Variants in GOLGA8S observed in about 807,000 individuals in gnomAD.
The protein encoded by GOLGA8S is golgin subfamily A member 8S.
GOLGA8S carries 23 observed loss-of-function variants against 58.9 expected under a neutral mutation model. The observed-to-expected ratio is 0.39, with a 90% CI of 0.28 to 0.55. The LOEUF (loss-of-function observed/expected upper bound fraction) is 0.55. Ranked by LOEUF, GOLGA8S falls within the 20% of genes least tolerant of loss-of-function variation. The pLI is 0.63. For missense variants in GOLGA8S, 266 were observed against 514.2 expected (o/e 0.52, Z 4.67); for synonymous variants, 84 against 195.7 (o/e 0.43, Z 4.76).
At chr15:23,364,359 A>G (rs745631639) in exon 16 of GOLGA8S, 4 of 1,602,680 alleles carry the variant, frequency 2.5e-6, no homozygotes, top group Non-Finnish European at 3.4e-6. Context: ...TTTATGGACC[A>G]CCTGGAGGAG....
chr15:23,356,343 A>T (rs1250201396), intron 1 of GOLGA8S, among the ~76,000 whole-genome samples: 12 of 138,936 alleles, frequency 8.6e-5, no homozygotes, highest in East Asian at 6.8e-4. Context: ...TTCTTGGTAA[A>T]ACCCCAGAGT....
chr15:23,364,494 G>T (rs766537082), intron 16 of GOLGA8S, 32 bp from the exon 17 acceptor site: 3 of 1,605,106 alleles, frequency 1.9e-6, no homozygotes, highest in Non-Finnish European at 2.5e-6. Context: ...CCGTCGGAGG[G>T]GCCCCAGCGT....
At chr15:23,358,338 C>G (rs1472491222) in intron 4 of GOLGA8S, 134 bp from the exon 5 acceptor site, 1 of 657,516 alleles carries the variant, frequency 1.5e-6, no homozygotes, top group Non-Finnish European at 2.7e-6. Flanking sequence ...GGAGAGTTTA[C>G]CAGTTCGAGT....
At chr15:23,357,919 G>C (rs1440330719) in intron 4 of GOLGA8S, among the ~76,000 whole-genome samples, 2 of 149,972 alleles carry the variant, frequency 1.3e-5, no homozygotes, top group African/African-American at 4.9e-5. Flanking sequence ...CTGTATTTCT[G>C]CCATGACTCA....
chr15:23,366,038 C>G (rs558525594), downstream of GOLGA8S: 1 of 149,984 alleles, frequency 6.7e-6, no homozygotes, highest in Non-Finnish European at 1.5e-5. Flanking sequence ...ATCTACAATA[C>G]ATTTTAAACT....
intron 10 of GOLGA8S, 79 bp from the exon 11 acceptor site, chr15:23,360,649 G>C: frequency 8.0e-7 from 1 of 1,252,098 alleles, no homozygotes; most frequent in Non-Finnish European, 1.2e-6. Flanking sequence ...TTGTGGAGGT[G>C]GGGGCAGAGA....
chr15:23,356,136 A>C (rs1268385665), intron 1 of GOLGA8S, among the ~76,000 whole-genome samples: 2 of 143,208 alleles, frequency 1.4e-5, no homozygotes, highest in Non-Finnish European at 3.1e-5. Context: ...CTTTCTGATA[A>C]ATTCCCAGAT....
chr15:23,361,145 T>C, intron 11 of GOLGA8S, 76 bp from the exon 12 acceptor site: 3 of 973,862 alleles, frequency 3.1e-6, no homozygotes, highest in Non-Finnish European at 2.9e-6. Flanking sequence ...TTTTCTTTTC[T>C]TTTCTTTTCT....
At chr15:23,358,307 C>T (rs1377917732) in intron 4 of GOLGA8S, among the ~76,000 whole-genome samples, 165 bp from the exon 5 acceptor site, 1 of 152,396 alleles carries the variant, frequency 6.6e-6, no homozygotes, top group East Asian at 1.9e-4. Flanking sequence ...AGACCCAAAT[C>T]CTCTGTCCTT....
chr15:23,364,476 C>A (rs752438250), intron 16 of GOLGA8S, 33 bp downstream of exon 16: 1 of 1,605,274 alleles, frequency 6.2e-7, no homozygotes, highest in Non-Finnish European at 8.5e-7. Context: ...GCAGGGGGAG[C>A]TACAGGGCCG....
intron 16 of GOLGA8S, 21 bp downstream of exon 16, chr15:23,364,464 C>G: frequency 4.4e-6 from 7 of 1,604,622 alleles, no homozygotes; most frequent in Non-Finnish European, 5.9e-6. Flanking sequence ...GGCCAGGGCA[C>G]AGCAGGGGGA....
At chr15:23,363,642 T>C (rs1393771044) in intron 14 of GOLGA8S, 36 bp from the exon 15 acceptor site, 1 of 370,040 alleles carries the variant, frequency 2.7e-6, no homozygotes, top group Admixed American at 5.5e-5. Flanking sequence ...TGTTGAGTTG[T>C]CTGAGGACCC....
rs781491808 is a variant in GOLGA8S, at chr15:23,361,378, G to A, written c.1032G>A (p.Arg344=). Reference sequence around the variant, plus strand: ...ATGAGGGGCAAAAGGAGAGGCTTCGGGAGCAGCAGGAGAGGCTTCCAGAGC... The same window carrying A: ...ATGAGGGGCAAAAGGAGAGGCTTCGAGAGCAGCAGGAGAGGCTTCCAGAGC... The change falls in exon 12 of 19, where the codon CGG becomes CGA. Residue 344 remains arginine, a synonymous_variant. Coordinates refer to ENST00000562295, the Ensembl canonical transcript of GOLGA8S. 28 of 1,089,112 alleles carry A rather than the reference G, an allele frequency of 2.6e-5. 1 individual carries two copies. The highest frequency in any genetic ancestry group is 1.4e-4 in the East Asian group (6 of 42,460). 67.5% of individuals were successfully genotyped at this position (1,089,112 alleles called of 1,614,324 possible).
intron 1 of GOLGA8S, among the ~76,000 whole-genome samples, chr15:23,355,502 C>G (rs1165682864): frequency 1.4e-4 from 16 of 112,000 alleles, no homozygotes; most frequent in African/African-American, 4.4e-4. Flanking sequence ...GTCATTACTG[C>G]GAGACTGGCC....
At chr15:23,364,345 C>G in exon 16 of GOLGA8S, 1 of 1,602,186 alleles carries the variant, frequency 6.2e-7, no homozygotes, top group Non-Finnish European at 8.5e-7. Flanking sequence ...GGCTCCAGAG[C>G]AGCTTTATGG....
chr15:23,367,175 C>T (rs1274861666), downstream of GOLGA8S: 35 of 148,900 alleles, frequency 2.4e-4, no homozygotes, highest in African/African-American at 7.6e-4. Context: ...GTCCTGTTCT[C>T]GCCTTTTATT....
downstream of GOLGA8S, among the ~76,000 whole-genome samples, chr15:23,368,176 G>A (rs1254320513): frequency 1.3e-5 from 2 of 151,918 alleles, no homozygotes; most frequent in African/African-American, 4.8e-5. Flanking sequence ...TATTTGCCAA[G>A]TTTTGTTAGA....
rs570629751 is a variant in GOLGA8S, at chr15:23,361,240, G to T, written c.894G>T (p.Glu298Asp). Residue 298 changes from glutamate to aspartate, a missense_variant, in exon 12 of 19, where the codon GAG becomes GAT. Physicochemically the swap from Glu to Asp is conservative, Grantham distance 45. This residue lies in a region of GOLGA8S where 114 missense variants were observed against 120.7 expected (regional missense o/e 0.94). Coordinates refer to ENST00000562295, the Ensembl canonical transcript of GOLGA8S. ...TCTCAGCTGAACCTCTGCCCCCGGA[G>T]CCCCCAGCAGTGCCCTCTGAGGCGG... is the stretch of plus-strand genomic sequence containing the variant. 3.1e-5 allele frequency: 47 copies of T among 1,492,788 alleles called. No homozygotes were observed. In the South Asian group the frequency reaches 5.0e-4, roughly 16 times the overall value. 92.5% of individuals were successfully genotyped at this position (1,492,788 alleles called of 1,614,324 possible). A position where few individuals can be genotyped will look rare whatever the true frequency, so the allele number is the denominator to read the frequency against.
At chr15:23,358,025 T>C (rs1020212649) in intron 4 of GOLGA8S, among the ~76,000 whole-genome samples, 2 of 150,704 alleles carry the variant, frequency 1.3e-5, no homozygotes, top group East Asian at 3.9e-4. Flanking sequence ...CTGTTAGCTC[T>C]CGAGTCTGAG....
Sources: gnomAD v4.1 joint callset for allele counts (sites outside exome capture counted in the v4.1 genomes callset) on GRCh38, gnomAD v4.1.1 for gene constraint, gnomAD v4.1.1 regional missense constraint, MANE v1.5 for transcripts, NCBI Gene and HGNC (gene_info 2026-07-23, HGNC 2026-07-21) for gene names.